The following GNG8 variants were observed in gnomAD, a reference collection of about 807,000 sequenced individuals.
GNG8 encodes the protein G protein subunit gamma 8.
Under a neutral mutation model 4.6 loss-of-function variants are expected in GNG8, and 3 were observed. The ratio of observed to expected loss-of-function variants is 0.65; its 90% CI spans 0.29 to 1.67. GNG8 has a LOEUF of 1.67. Among genes scored for constraint, GNG8 ranks in the 40% most tolerant of loss-of-function variants. GNG8 has a pLI of 0.10. For synonymous variants in GNG8, 32 were observed against 40.5 expected (o/e 0.79, Z 0.80); for missense variants, 88 against 95.2 (o/e 0.92, Z 0.32).
upstream of GNG8, chr19:46,637,382 T>C (rs139027736): frequency 1.5e-3 from 228 of 152,598 alleles, 1 homozygote; most frequent in Non-Finnish European, 2.8e-3. Context: ...CTACCCACGA[T>C]GGCTCAGTGT....
chr19:46,636,823 G>T (rs12984626), upstream of GNG8: 1 of 145,706 alleles, frequency 6.9e-6, no homozygotes, highest in Non-Finnish European at 1.5e-5. Flanking sequence ...ATGAAGTCTC[G>T]CTGTGTTGCC....
chr19:46,637,179 C>A (rs1390743161), upstream of GNG8: 3 of 152,218 alleles, frequency 2.0e-5, no homozygotes, highest in African/African-American at 7.2e-5. Flanking sequence ...TTACCCAATA[C>A]AACCTGTCAA....
Position 46,634,304 on chromosome 19 carries a change from C to G in GNG8, c.85-100G>C. On this transcript the variant is annotated intron_variant, in intron 2 of 2. Coordinates refer to ENST00000693335, the MANE Select transcript of GNG8 (RefSeq NM_033258.2). ...CCCTGTCCCCTCCTCCCACCTTGCC[C>G]CGCCCCATACAGGCCTTTCCCCTTG... 9 of 1,372,754 alleles carry G rather than the reference C, an allele frequency of 6.6e-6. No homozygotes were observed. In the South Asian group the frequency reaches 1.3e-4, roughly 19 times the overall value. 85.0% of individuals were successfully genotyped at this position (1,372,754 alleles called of 1,614,324 possible). A position where few individuals can be genotyped will look rare whatever the true frequency, so the allele number is the denominator to read the frequency against.
chr19:46,634,249 T>TAA (rs2052847796), intron 2 of GNG8, 45 bp from the exon 3 acceptor site: 1 of 1,567,336 alleles, frequency 6.4e-7, no homozygotes, highest in Non-Finnish European at 8.6e-7. Context: ...CCCGGCTCCT[T>TAA]GGAGCCGCCC....
intron 2 of GNG8, 94 bp from the exon 3 acceptor site, chr19:46,634,298 C>T: frequency 7.1e-7 from 1 of 1,416,458 alleles, no homozygotes; most frequent in Non-Finnish European, 9.4e-7. Flanking sequence ...CTCCTCCCAC[C>T]TTGCCCCGCC....
At chr19:46,637,887 G>C (rs2052878673), upstream of GNG8, 1 of 152,820 alleles carries the variant, frequency 6.5e-6, no homozygotes, top group African/African-American at 2.4e-5. Flanking sequence ...TTACAGCAAT[G>C]TGCCCGGATC....
chr19:46,634,520 G>T (rs2052851024), intron 2 of GNG8, 79 bp downstream of exon 2: 5 of 1,335,128 alleles, frequency 3.7e-6, no homozygotes, highest in Non-Finnish European at 5.3e-6. Context: ...TTGCACTATG[G>T]CTCCGAGCCG....
At chr19:46,639,075 G>A (rs1283054170), upstream of GNG8, 1 of 153,236 alleles carries the variant, frequency 6.5e-6, no homozygotes, top group Non-Finnish European at 1.5e-5. This position sits in a 1 kb window ranked among gnomAD's most constrained non-coding sequence, Gnocchi z 5.2. Flanking sequence ...GGGTAGGAGA[G>A]AGACACCCAA....
upstream of GNG8, chr19:46,639,191 G>T (rs2052886669): frequency 1.3e-5 from 2 of 152,484 alleles, no homozygotes; most frequent in Admixed American, 6.5e-5. The surrounding 1 kb of genome is among the most constrained non-coding windows in gnomAD (Gnocchi z 5.2). Flanking sequence ...GTGGGGACCC[G>T]ACGACGGAGG....
intron 2 of GNG8, 67 bp from the exon 3 acceptor site, chr19:46,634,271 G>T (rs1023055668): frequency 1.3e-6 from 2 of 1,517,980 alleles, no homozygotes; most frequent in Non-Finnish European, 1.8e-6. Context: ...CTTAGGCCCC[G>T]CCTCTTGCCC....
chr19:46,634,571 C>G (rs373669437), intron 2 of GNG8, 28 bp downstream of exon 2: 1 of 1,592,664 alleles, frequency 6.3e-7, no homozygotes, highest in African/African-American at 1.3e-5. Flanking sequence ...CCAGAACCCC[C>G]GCCCTATTCC....
At position 46,634,672 on chromosome 19, in the gene GNG8, T is replaced by G; in HGVS notation, c.11A>C (p.Asn4Thr). MSN[N>T]MAKIAEARKT... Reference sequence around the variant, plus strand: ...GCGGGCCTCGGCAATCTTGGCCATGTTGTTGGACATGGTTGCGGCGGGGAA... The same window carrying G: ...GCGGGCCTCGGCAATCTTGGCCATGGTGTTGGACATGGTTGCGGCGGGGAA... The change falls in exon 2 of 3, where the codon AAC becomes ACC. Residue 4 changes from asparagine (N) to threonine (T), a missense_variant. Transcript: ENST00000693335. 6.2e-7 allele frequency: 1 copy of G among 1,612,530 alleles called. No individual in the cohort carries two copies. The highest frequency in any genetic ancestry group is 1.1e-5 in the South Asian group (1 of 91,052).
intron 1 of GNG8, among the ~76,000 whole-genome samples, chr19:46,634,945 G>A (rs576481384): frequency 6.6e-6 from 1 of 152,122 alleles, no homozygotes; most frequent in Non-Finnish European, 1.5e-5. Flanking sequence ...GCGAGGGAGG[G>A]AAGGAGGGGC....
chr19:46,637,107 ACTCT>A (rs1275982790), upstream of GNG8: 1 of 149,602 alleles, frequency 6.7e-6, no homozygotes, highest in Non-Finnish European at 1.5e-5. Flanking sequence ...TGCCATTTAA[ACTCT>A]CTCAATCTCA....
upstream of GNG8, among the ~76,000 whole-genome samples, chr19:46,636,290 G>T (rs550843612): frequency 8.6e-6 from 1 of 116,862 alleles, no homozygotes; most frequent in Non-Finnish European, 1.8e-5. Context: ...CCGCCGCCCC[G>T]CCACCTTGGG....
chr19:46,636,793 T>C (rs1415888390), upstream of GNG8: 1 of 149,126 alleles, frequency 6.7e-6, no homozygotes, highest in African/African-American at 2.5e-5. Context: ...TGCATGCCTT[T>C]TTTTTTTTTT....
At chr19:46,638,923 G>C (rs1181938563), upstream of GNG8, 1 of 153,598 alleles carries the variant, frequency 6.5e-6, no homozygotes, top group African/African-American at 2.4e-5. This position sits in a 1 kb window ranked among gnomAD's most constrained non-coding sequence, Gnocchi z 4.7. Context: ...GGAGATGCAG[G>C]GAGAGTCAGA....
intron 2 of GNG8, 38 bp from the exon 3 acceptor site, chr19:46,634,242 G>T: frequency 1.3e-6 from 2 of 1,580,004 alleles, no homozygotes; most frequent in Non-Finnish European, 1.7e-6. Context: ...CGCCCTGCCC[G>T]GCTCCTTGGA....
intron 2 of GNG8, 122 bp downstream of exon 2, chr19:46,634,477 G>A: frequency 9.4e-6 from 4 of 424,950 alleles, no homozygotes; most frequent in Admixed American, 8.7e-5. Flanking sequence ...GCCCTGCCCC[G>A]CCCCTTGCCC....
Sources: allele counts gnomAD v4.1 joint callset (sites outside exome capture counted in the v4.1 genomes callset), GRCh38; gene constraint gnomAD v4.1.1; non-coding constraint Gnocchi (gnomAD v3.1); transcripts MANE v1.5; gene names NCBI Gene and HGNC (gene_info 2026-07-23, HGNC 2026-07-21).